The following SLC6A17 variants were observed in gnomAD, a reference collection of about 807,000 sequenced individuals.
SLC6A17 encodes sodium-dependent neutral amino acid transporter SLC6A17.
In SLC6A17, 21 loss-of-function variants were observed where a neutral mutation model predicts 64.5. That is an observed-to-expected ratio of 0.33 (90% CI 0.23 to 0.47). The LOEUF (loss-of-function observed/expected upper bound fraction) is 0.47, where lower values mean the gene tolerates loss of function less well. SLC6A17 is among the 20% of genes least tolerant of loss of function. The pLI, the probability that SLC6A17 is intolerant of heterozygous loss-of-function variation, is 1.00. For missense variants in SLC6A17, 682 were observed against 963.2 expected (o/e 0.71, Z 3.86); for synonymous variants, 372 against 399.5 (o/e 0.93, Z 0.82).
chr1:110,188,626 G>A (rs1371643286), intron 6 of SLC6A17, among the ~76,000 whole-genome samples: 1 of 152,122 alleles, frequency 6.6e-6, no homozygotes, highest in African/African-American at 2.4e-5. Context: ...GCCCAAGGGT[G>A]GTCCTATGGA....
intron 1 of SLC6A17, among the ~76,000 whole-genome samples, chr1:110,156,039 G>A (rs1163200892): frequency 6.6e-6 from 1 of 152,180 alleles, no homozygotes; most frequent in Non-Finnish European, 1.5e-5. Context: ...AAAGGAAGGA[G>A]AGCAGATGTT....
At chr1:110,175,273 T>G (rs1656344248) in intron 5 of SLC6A17, among the ~76,000 whole-genome samples, 1 of 152,190 alleles carries the variant, frequency 6.6e-6, no homozygotes, top group Non-Finnish European at 1.5e-5. Flanking sequence ...CTGTCTAGAT[T>G]CTAGACCCTC....
intron 8 of SLC6A17, among the ~76,000 whole-genome samples, chr1:110,194,199 C>G (rs545758935): frequency 6.6e-6 from 1 of 152,304 alleles, no homozygotes; most frequent in East Asian, 1.9e-4. Flanking sequence ...ATCTGCAGTT[C>G]AGAAGTTCTG....
intron 6 of SLC6A17, among the ~76,000 whole-genome samples, chr1:110,183,499 T>C (rs1273148926): frequency 6.6e-6 from 1 of 152,158 alleles, no homozygotes; most frequent in Non-Finnish European, 1.5e-5. Flanking sequence ...AATGACTCTA[T>C]GTGTTTGGGT....
Position 110,198,124 on chromosome 1 carries a change from A to T in SLC6A17, c.1864A>T (p.Ile622Phe). ...CCCCAACTGGGCCATGGCACTCCTG[A>T]TCACCCTCATCGTCGTGGCGACGCT... ...YFPNWAMALL[I>F]TLIVVATLPI... The change falls in exon 12 of 12, where the codon ATC (isoleucine) becomes TTC (phenylalanine). Residue 622 changes from isoleucine to phenylalanine, a missense_variant. Physicochemically the swap from Ile to Phe is conservative, Grantham distance 21 (BLOSUM62 0). This residue lies in a region of SLC6A17 where 264 missense variants were observed against 339.5 expected (regional missense o/e 0.78). Transcript: ENST00000331565. 6.2e-7 allele frequency: 1 copy of T among 1,613,968 alleles called. No homozygotes were observed. Among genetic ancestry groups the T allele is most frequent in the East Asian group, 2.2e-5 (1 of 44,876 alleles).
chr1:110,185,376 G>A (rs1656656064), intron 6 of SLC6A17, among the ~76,000 whole-genome samples: 1 of 152,330 alleles, frequency 6.6e-6, no homozygotes, highest in African/African-American at 2.4e-5. Flanking sequence ...GGTGCTTCGT[G>A]GCCCCGGCTG....
intron 6 of SLC6A17, among the ~76,000 whole-genome samples, chr1:110,179,137 T>C (rs1381124578): frequency 1.3e-5 from 2 of 152,240 alleles, no homozygotes; most frequent in African/African-American, 4.8e-5. Context: ...GGATGCATAG[T>C]ATTTCGCTGT....
At chr1:110,175,892 C>T (rs1256924346) in intron 5 of SLC6A17, among the ~76,000 whole-genome samples, 1 of 152,190 alleles carries the variant, frequency 6.6e-6, no homozygotes, top group Non-Finnish European at 1.5e-5. Context: ...TGATTACACC[C>T]ATTTTAGAGA....
At position 110,172,160 on chromosome 1, in the gene SLC6A17, C is replaced by T. The variant is rs767960147; in HGVS notation, c.387C>T (p.Ile129=). ...AVGQRIRRGS[I]GVWHYICPRL... ...GTCAGAGGATCCGCCGCGGCAGCAT[C>T]GGTGTGTGGCACTATATATGTCCCC... Residue 129 remains isoleucine, a synonymous_variant, in exon 3 of 12, where the codon ATC becomes ATT. Transcript: ENST00000331565. 25 of 1,612,118 alleles carry T rather than the reference C, an allele frequency of 1.6e-5. No homozygotes were observed. The highest frequency in any genetic ancestry group is 1.2e-4 in the African/African-American group (9 of 74,850).
chr1:110,172,028 G>T lies in SLC6A17; in HGVS notation c.287-32G>T, dbSNP rs767359073. On this transcript the variant is annotated intron_variant, in intron 2 of 11. Transcript: ENST00000331565. ...CCTCACTCTGCTGCTGTGCTCCAGAGCCCCTCTGCCATCCCTCTGCTCTCC... is the reference window on the plus strand; with the variant it reads ...CCTCACTCTGCTGCTGTGCTCCAGATCCCCTCTGCCATCCCTCTGCTCTCC... 3.0e-5 allele frequency: 49 copies of T among 1,610,522 alleles called. 1 individual carries two copies. In the Middle Eastern group the frequency reaches 6.6e-4, roughly 22 times the overall value.
Position 110,197,445 on chromosome 1 carries a change from A to G in SLC6A17, c.1661A>G (p.Gln554Arg). Residue 554 changes from glutamine to arginine, a missense_variant, in exon 11 of 12, where the codon CAG becomes CGG. By Grantham distance (43) the Gln-to-Arg change is conservative. Coordinates refer to ENST00000331565, the MANE Select transcript of SLC6A17 (RefSeq NM_001010898.4). The stretch of plus-strand genomic sequence containing the variant: ...TCTGCTATGCCTGGCAGGTTCATGC[A>G]GGAGCTGACGGAGATGCTGGGCTTC... Reference protein sequence around the residue: ...AWIYGTKKFMQELTEMLGFRP... With the variant: ...AWIYGTKKFMRELTEMLGFRP... The G allele has an allele frequency of 6.2e-7, 1 of 1,611,682 alleles. No individual in the cohort carries two copies. Among genetic ancestry groups the G allele is most frequent in the Non-Finnish European group, 8.5e-7 (1 of 1,179,126 alleles).
At chr1:110,181,734 A>C (rs980784229) in intron 6 of SLC6A17, among the ~76,000 whole-genome samples, 7 of 152,314 alleles carry the variant, frequency 4.6e-5, no homozygotes, top group Middle Eastern at 6.8e-3. Flanking sequence ...GAGGCCAGGG[A>C]GCAGGCTATG....
intron 6 of SLC6A17, among the ~76,000 whole-genome samples, chr1:110,191,311 G>T (rs1656819186): frequency 6.6e-6 from 1 of 152,318 alleles, no homozygotes; most frequent in East Asian, 1.9e-4. Context: ...TTGGAAAGGG[G>T]CTTTGGAAAT....
In SLC6A17 at chr1:110,200,082, C is replaced by T. The variant is rs1657083321; in HGVS notation, c.*1638C>T. Reference sequence around the variant, plus strand: ...CAGGCCACAGTGCTCAACCCGGACACCCTCACGAAGGGTCGCAAGTCACTC... The same window carrying T: ...CAGGCCACAGTGCTCAACCCGGACATCCTCACGAAGGGTCGCAAGTCACTC... On this transcript the variant is annotated 3_prime_UTR_variant, in exon 12 of 12. Transcript: ENST00000331565. 1 of 398,390 alleles carries T rather than the reference C, an allele frequency of 2.5e-6. No homozygotes were observed. The highest frequency in any genetic ancestry group is 4.4e-6 in the Non-Finnish European group (1 of 226,044). The allele number at this position is 398,390 out of a possible 1,614,324, so 24.7% of individuals were successfully genotyped here. A position where few individuals can be genotyped will look rare whatever the true frequency, so the allele number is the denominator to read the frequency against.
At chr1:110,157,153 C>A (rs1446710585) in intron 1 of SLC6A17, among the ~76,000 whole-genome samples, 1 of 152,214 alleles carries the variant, frequency 6.6e-6, no homozygotes, top group Non-Finnish European at 1.5e-5. Flanking sequence ...CAGCACCTCA[C>A]GTCCTCATTT....
At chr1:110,180,611 A>G (rs543331444) in intron 6 of SLC6A17, among the ~76,000 whole-genome samples, 2 of 152,270 alleles carry the variant, frequency 1.3e-5, no homozygotes, top group Middle Eastern at 3.4e-3. Flanking sequence ...CTGACAGTCT[A>G]TATGTGGCAA....
At chr1:110,180,893 A>T (rs987982169) in intron 6 of SLC6A17, among the ~76,000 whole-genome samples, 3 of 152,108 alleles carry the variant, frequency 2.0e-5, no homozygotes, top group Non-Finnish European at 4.4e-5. Flanking sequence ...CTCTCCATAG[A>T]TTGTGCTAAA....
chr1:110,182,109 C>A (rs1365219670), intron 6 of SLC6A17, among the ~76,000 whole-genome samples: 1 of 152,140 alleles, frequency 6.6e-6, no homozygotes, highest in Non-Finnish European at 1.5e-5. Flanking sequence ...TGAGAGATGA[C>A]TGGGGTTTGA....
At chr1:110,188,805 G>A (rs192277612) in intron 6 of SLC6A17, among the ~76,000 whole-genome samples, 2 of 152,202 alleles carry the variant, frequency 1.3e-5, no homozygotes, top group Admixed American at 6.5e-5. Context: ...TTGCTTCTCC[G>A]AGGACCTGCT....
Sources: gnomAD v4.1 joint callset for allele counts (sites outside exome capture counted in the v4.1 genomes callset) on GRCh38, gnomAD v4.1.1 for gene constraint, gnomAD v4.1.1 regional missense constraint, MANE v1.5 for transcripts, NCBI Gene and HGNC (gene_info 2026-07-23, HGNC 2026-07-21) for gene names.